Variants in DNAH1 observed in about 807,000 individuals in gnomAD.
The protein encoded by DNAH1 is axonemal beta dynein heavy chain 1.
In DNAH1, 327 loss-of-function variants were observed where a neutral mutation model predicts 484.3. That is an observed-to-expected ratio of 0.68 (90% CI 0.62 to 0.74). DNAH1 has a LOEUF of 0.74. DNAH1 is among the 30% of genes least tolerant of loss of function. DNAH1 has a pLI of 0.00. For synonymous variants in DNAH1, 2,192 were observed against 2,191.9 expected (o/e 1.00, Z 0.00); for missense variants, 5,052 against 5,546.8 (o/e 0.91, Z 2.83).
At chr3:52,382,544 A>C (rs1038981903) in intron 50 of DNAH1, 89 bp downstream of exon 50, 1 of 1,559,676 alleles carries the variant, frequency 6.4e-7, no homozygotes, top group Middle Eastern at 2.2e-4. Flanking sequence ...CCAGTCCTTC[A>C]TGCCCAGCTC....
chr3:52,393,300 C>T, intron 65 of DNAH1, 34 bp from the exon 66 acceptor site: 4 of 1,610,494 alleles, frequency 2.5e-6, no homozygotes, highest in South Asian at 1.1e-5. Flanking sequence ...TTCCTCTCAC[C>T]TCTCCGCGCT....
At chr3:52,322,822 G>A (rs1701198308) in intron 2 of DNAH1, 47 bp downstream of exon 2, 2 of 1,504,038 alleles carry the variant, frequency 1.3e-6, no homozygotes, top group Non-Finnish European at 1.8e-6. Flanking sequence ...CTTCCTCTGG[G>A]CTCCGTTCAC....
rs768800458 is a variant in DNAH1 at position 52,375,325 on chromosome 3, G to C, written c.7071G>C (p.Leu2357=). ...GGGRNTVTPR[L]MRHFNYLSFA... ...GCAGGAACACCGTCACCCCGCGGCT[G>C]ATGCGTCACTTCAACTACCTGTCTT... is the stretch of plus-strand genomic sequence containing the variant. The change falls in exon 45 of 78, where the codon CTG becomes CTC. Residue 2357 remains leucine, a synonymous_variant. Transcript: ENST00000420323. 3.1e-6 allele frequency: 5 copies of C among 1,613,336 alleles called. No individual in the cohort carries two copies. The South Asian group carries it at 5.5e-5, about 18-fold the overall frequency.
At chr3:52,327,751 C>G (rs1172774327) in intron 5 of DNAH1, 131 bp from the exon 6 acceptor site, 5 of 1,071,624 alleles carry the variant, frequency 4.7e-6, no homozygotes, top group Middle Eastern at 2.1e-4. Flanking sequence ...GGGTCAGCCC[C>G]CAGTGCCACC....
chr3:52,399,422 T>C, intron 76 of DNAH1, 123 bp from the exon 77 acceptor site: 1 of 980,482 alleles, frequency 1.0e-6, no homozygotes, highest in Non-Finnish European at 1.5e-6. Flanking sequence ...GCTAAAGTGG[T>C]AGGTACGTGA....
At chr3:52,383,669 G>C (rs1280063950) in intron 51 of DNAH1, 75 bp downstream of exon 51, 2 of 1,454,900 alleles carry the variant, frequency 1.4e-6, no homozygotes, top group Admixed American at 4.7e-5. Context: ...CGGGGACACT[G>C]GATGCCATGC....
At chr3:52,393,634 A>G (rs1704493088) in intron 66 of DNAH1, 149 bp downstream of exon 66, 1 of 1,243,924 alleles carries the variant, frequency 8.0e-7, no homozygotes, top group Non-Finnish European at 1.1e-6. Flanking sequence ...AAAAGCAGCC[A>G]GGGCCGGGCA....
intron 2 of DNAH1, among the ~76,000 whole-genome samples, chr3:52,323,337 A>AG: frequency 6.6e-6 from 1 of 151,014 alleles, no homozygotes; most frequent in Non-Finnish European, 1.5e-5. Context: ...GGGAAAAGAG[A>AG]GGGGGGAATG....
rs1306630781 is a variant in DNAH1, at chr3:52,375,423, G to A, written c.7159+10G>A. On this transcript the variant is annotated intron_variant, in intron 45 of 77. Transcript: ENST00000420323. Reference sequence around the variant, plus strand: ...CTGGGCAACTGGTTGGGTGAGTATTGGTGGGGGTGAGCATGGACAAAGGCA... The same window carrying A: ...CTGGGCAACTGGTTGGGTGAGTATTAGTGGGGGTGAGCATGGACAAAGGCA... 6.2e-7 allele frequency: 1 copy of A among 1,610,290 alleles called. No homozygotes were observed.
At position 52,362,854 on chromosome 3, in the gene DNAH1, C is replaced by G; in HGVS notation, c.5095-141C>G. On this transcript the variant is annotated intron_variant, in intron 31 of 77. Transcript: ENST00000420323. This position sits in a 1 kb window ranked among gnomAD's most constrained non-coding sequence, Gnocchi z 5.1. ...CCACTCTAATGGCAGAGCTACCAGT[C>G]TCAGGGGAGTGAAAGCCTCAGCTGT... is the stretch of plus-strand genomic sequence containing the variant. The G allele has an allele frequency of 3.4e-6, 4 of 1,190,066 alleles. No homozygotes were observed. Among genetic ancestry groups the G allele is most frequent in the Non-Finnish European group, 4.8e-6 (4 of 827,654 alleles). 73.7% of individuals were successfully genotyped at this position (1,190,066 alleles called of 1,614,324 possible).
intron 1 of DNAH1, among the ~76,000 whole-genome samples, chr3:52,320,800 CTT>C (rs556409465): frequency 0.13 from 16,618 of 124,484 alleles, 964 homozygotes; most frequent in African/African-American, 0.25. Context: ...TCTTTCTTTC[CTT>C]TTTTTTTTTT....
At position 52,383,616 on chromosome 3, in the gene DNAH1, C is replaced by G. The variant is rs763607792; in HGVS notation, c.8150+22C>G. 32 of 1,544,594 alleles carry G rather than the reference C, an allele frequency of 2.1e-5. 1 individual carries two copies. In the South Asian group the frequency reaches 3.8e-4, roughly 18 times the overall value. Reference sequence around the variant, plus strand: ...TGAGGTACAGGCAGCTGTCGCCAGGCTGCGCTGGGGCAGCGGAGCTGGGTG... The same window carrying G: ...TGAGGTACAGGCAGCTGTCGCCAGGGTGCGCTGGGGCAGCGGAGCTGGGTG... On this transcript the variant is annotated intron_variant, in intron 51 of 77. Transcript: ENST00000420323.
intron 17 of DNAH1, among the ~76,000 whole-genome samples, 157 bp downstream of exon 17, chr3:52,352,260 A>T (rs1452630375): frequency 6.6e-6 from 1 of 152,184 alleles, no homozygotes; most frequent in Admixed American, 6.5e-5. Flanking sequence ...GAAAGAATGA[A>T]CGCAAAGGCC....
chr3:52,349,116 C>T, intron 13 of DNAH1, 35 bp downstream of exon 13: 1 of 1,612,650 alleles, frequency 6.2e-7, no homozygotes. Flanking sequence ...CGGAGGGTGT[C>T]TGTGTGTTTG....
chr3:52,325,330 G>A (rs1701297821), intron 3 of DNAH1, among the ~76,000 whole-genome samples: 1 of 152,162 alleles, frequency 6.6e-6, no homozygotes, highest in South Asian at 2.1e-4. Flanking sequence ...GGGTCACCAG[G>A]GCCCCTGGGA....
At position 52,350,608 on chromosome 3, in the gene DNAH1, C is replaced by T. The variant is rs758106872; in HGVS notation, c.2729+18C>T. ...AATGACAAGTGAGTGGGAGCTTGGC[C>T]CCCATGCCAGGTGCGGGGTGGAGCA... On this transcript the variant is annotated intron_variant, in intron 16 of 77. Transcript: ENST00000420323. 89 of 1,611,472 alleles carry T rather than the reference C, an allele frequency of 5.5e-5. 2 individuals carry two copies. The South Asian group carries it at 9.6e-4, about 17-fold the overall frequency.
At position 52,389,542 on chromosome 3, in the gene DNAH1, C is replaced by CT; in HGVS notation, c.9578dup (p.Ile3194AsnfsTer42). The CT allele has an allele frequency of 1.3e-6, 2 of 1,496,042 alleles. No homozygotes were observed. Among genetic ancestry groups the CT allele is most frequent in the Non-Finnish European group, 1.8e-6 (2 of 1,118,446 alleles). The allele number at this position is 1,496,042 out of a possible 1,614,324, so 92.7% of individuals were successfully genotyped here. On this transcript the variant is annotated frameshift_variant, in exon 60 of 78. Coordinates refer to ENST00000420323, the MANE Select transcript of DNAH1 (RefSeq NM_015512.5). LOFTEE classifies it high-confidence loss of function. ...TGTCCCACACACCTCCGAGCCCACG[C>CT]TAATCGGGACGCTGGGGAACCCTGT...
intron 2 of DNAH1, among the ~76,000 whole-genome samples, 158 bp from the exon 3 acceptor site, chr3:52,323,650 C>T (rs566216141): frequency 2.0e-5 from 3 of 152,214 alleles, no homozygotes; most frequent in East Asian, 1.9e-4. Flanking sequence ...GGCCTTTGAA[C>T]GGGGAATTGT....
Position 52,386,302 on chromosome 3 carries a change from C to G in DNAH1, c.8768C>G (p.Ala2923Gly), listed in dbSNP as rs749858455. 1 of 1,600,894 alleles carries G rather than the reference C, an allele frequency of 6.2e-7. No homozygotes were observed. Among genetic ancestry groups the G allele is most frequent in the South Asian group, 1.1e-5 (1 of 89,046 alleles). ...LDEALPALDA[A>G]LASLRNLNKN... The stretch of plus-strand genomic sequence containing the variant: ...GAGGCGTTGCCAGCCCTGGATGCGG[C>G]TCTGGCCAGCCTGCGCAACCTCAAC... The change falls in exon 55 of 78, where the codon GCT becomes GGT. Residue 2923 changes from alanine (A) to glycine (G), a missense_variant. Ala to Gly is a moderately conservative substitution (Grantham distance 60). Transcript: ENST00000420323.
Sources: gnomAD v4.1 joint callset for allele counts (sites outside exome capture counted in the v4.1 genomes callset) on GRCh38, gnomAD v4.1.1 for gene constraint, Gnocchi (gnomAD v3.1) non-coding constraint, MANE v1.5 for transcripts, NCBI Gene and HGNC (gene_info 2026-07-23, HGNC 2026-07-21) for gene names.